Variants in MACROD2 observed in about 807,000 individuals in gnomAD.
The protein encoded by MACROD2 is ADP-ribose glycohydrolase MACROD2.
In MACROD2, 36 loss-of-function variants were observed where a neutral mutation model predicts 70.4. That is an observed-to-expected ratio of 0.51 (90% CI 0.39 to 0.68). The LOEUF (loss-of-function observed/expected upper bound fraction) is 0.68. Among genes scored for constraint, MACROD2 ranks in the 30% least tolerant of loss-of-function variants. The pLI is 0.00. For synonymous variants in MACROD2, 172 were observed against 178.8 expected, an observed-to-expected ratio of 0.96 and a Z score of 0.30; for missense variants, 496 against 538.4, an observed-to-expected ratio of 0.92 and a Z score of 0.78.
chr20:15,590,443 C>T (rs928887665), intron 8 of MACROD2, among the ~76,000 whole-genome samples: 3 of 152,180 alleles, frequency 2.0e-5, no homozygotes, highest in Admixed American at 6.5e-5. Context: ...ATACATGGAG[C>T]TTCTAGCCTC....
chr20:15,545,104 G>A (rs2048009465), intron 8 of MACROD2, among the ~76,000 whole-genome samples: 1 of 152,170 alleles, frequency 6.6e-6, no homozygotes, highest in Non-Finnish European at 1.5e-5. Context: ...GCAGTGACTG[G>A]GATGGAAGTA....
chr20:15,367,678 A>G (rs1376606758), intron 6 of MACROD2, among the ~76,000 whole-genome samples: 1 of 152,144 alleles, frequency 6.6e-6, no homozygotes, highest in Non-Finnish European at 1.5e-5. Context: ...ATAAAATTAT[A>G]AAAGCAAAGA....
intron 2 of MACROD2, among the ~76,000 whole-genome samples, chr20:14,045,567 G>T (rs559002144): frequency 6.6e-6 from 1 of 152,274 alleles, no homozygotes; most frequent in Admixed American, 6.5e-5. Context: ...ATCTTCAGAG[G>T]GATGCTCCTT....
At chr20:14,835,402 A>C (rs1301508718) in intron 5 of MACROD2, among the ~76,000 whole-genome samples, 1 of 152,138 alleles carries the variant, frequency 6.6e-6, no homozygotes, top group Non-Finnish European at 1.5e-5. Flanking sequence ...AAGAGAGGCA[A>C]CTGAAGTACC....
At chr20:15,334,536 A>G (rs553505719) in intron 6 of MACROD2, among the ~76,000 whole-genome samples, 3 of 151,628 alleles carry the variant, frequency 2.0e-5, no homozygotes, top group African/African-American at 4.9e-5. Flanking sequence ...AACTAGGACA[A>G]TAGAACCTTA....
intron 5 of MACROD2, among the ~76,000 whole-genome samples, chr20:15,160,699 A>G (rs1393481370): frequency 5.3e-5 from 8 of 152,112 alleles, no homozygotes; most frequent in African/African-American, 1.9e-4. Flanking sequence ...ATCAGTAGAA[A>G]AACTGACTTA....
At chr20:14,820,589 C>T (rs995131270) in intron 5 of MACROD2, among the ~76,000 whole-genome samples, 1 of 152,070 alleles carries the variant, frequency 6.6e-6, no homozygotes, top group Non-Finnish European at 1.5e-5. Flanking sequence ...AACTTAGCTT[C>T]TCATCTAAGT....
intron 5 of MACROD2, among the ~76,000 whole-genome samples, chr20:15,085,108 T>C (rs1048972920): frequency 5.9e-5 from 9 of 152,144 alleles, no homozygotes; most frequent in African/African-American, 1.9e-4. Context: ...CCTCACATAA[T>C]GGTCCATTGT....
intron 3 of MACROD2, among the ~76,000 whole-genome samples, chr20:14,271,962 C>T (rs368453561): frequency 5.9e-5 from 9 of 152,096 alleles, no homozygotes; most frequent in East Asian, 3.9e-4. Flanking sequence ...TAAAAAGAAA[C>T]GAACAAAGCC....
chr20:16,040,421 T>C (rs2067292529), intron 15 of MACROD2, among the ~76,000 whole-genome samples: 1 of 151,986 alleles, frequency 6.6e-6, no homozygotes, highest in Non-Finnish European at 1.5e-5. Context: ...TTTAAAATTA[T>C]GGGTTTTCTA....
chr20:15,873,129 T>G (rs1458943844), intron 9 of MACROD2, among the ~76,000 whole-genome samples: 3 of 152,228 alleles, frequency 2.0e-5, no homozygotes, highest in Admixed American at 2.0e-4. Context: ...GAATCACTTT[T>G]TCAAAATATA....
At chr20:15,047,339 C>G (rs972629034) in intron 5 of MACROD2, among the ~76,000 whole-genome samples, 1 of 152,124 alleles carries the variant, frequency 6.6e-6, no homozygotes, top group East Asian at 1.9e-4. Context: ...CACTGAGATG[C>G]TCAACTTCAG....
At chr20:15,109,215 A>G (rs970318372) in intron 5 of MACROD2, among the ~76,000 whole-genome samples, 5 of 152,196 alleles carry the variant, frequency 3.3e-5, no homozygotes, top group African/African-American at 7.2e-5. Flanking sequence ...CATAGAACAT[A>G]CTTGGATTCA....
intron 5 of MACROD2, among the ~76,000 whole-genome samples, chr20:14,714,880 T>C (rs936408890): frequency 6.6e-6 from 1 of 152,234 alleles, no homozygotes; most frequent in Admixed American, 6.5e-5. Context: ...TCATGTTTCT[T>C]TTCCGCAGTG....
At chr20:15,007,903 G>A (rs2075052606) in intron 5 of MACROD2, among the ~76,000 whole-genome samples, 1 of 152,224 alleles carries the variant, frequency 6.6e-6, no homozygotes, top group East Asian at 1.9e-4. Flanking sequence ...CCTTGTGCAG[G>A]CCAGGGGAAC....
chr20:14,804,970 G>T (rs2072621851), intron 5 of MACROD2, among the ~76,000 whole-genome samples: 1 of 151,776 alleles, frequency 6.6e-6, no homozygotes, highest in Non-Finnish European at 1.5e-5. Context: ...CCTCAACAAT[G>T]AGTTTCTACA....
At chr20:15,252,404 T>C (rs1055892957) in intron 6 of MACROD2, among the ~76,000 whole-genome samples, 1 of 152,154 alleles carries the variant, frequency 6.6e-6, no homozygotes, top group African/African-American at 2.4e-5. Context: ...TAGATGTCCA[T>C]AGAGGCAGCT....
At chr20:14,309,750 A>C (rs1225358519) in intron 3 of MACROD2, among the ~76,000 whole-genome samples, 2 of 152,188 alleles carry the variant, frequency 1.3e-5, no homozygotes, top group Non-Finnish European at 2.9e-5. Flanking sequence ...AGTAATAACT[A>C]TACAAATAAA....
At chr20:15,981,494 G>C (rs568037200) in intron 13 of MACROD2, among the ~76,000 whole-genome samples, 1 of 152,042 alleles carries the variant, frequency 6.6e-6, no homozygotes, top group Admixed American at 6.6e-5. Context: ...CAGGAACTGG[G>C]TCTGTAGGCA....
Sources: allele counts gnomAD v4.1 joint callset (sites outside exome capture counted in the v4.1 genomes callset), GRCh38; gene constraint gnomAD v4.1.1; transcripts MANE v1.5; gene names NCBI Gene and HGNC (gene_info 2026-07-23, HGNC 2026-07-21).